LRBA: variants seen among roughly 807,000 people sequenced by gnomAD.
The protein encoded by LRBA is lipopolysaccharide-responsive and beige-like anchor protein.
A neutral mutation model predicts 330.0 loss-of-function variants in LRBA; 176 were observed. The observed-to-expected ratio is 0.53, with a 90% confidence interval of 0.47 to 0.60. The LOEUF is 0.60. Among genes scored for constraint, LRBA ranks in the 20% least tolerant of loss-of-function variants. The pLI, the probability that LRBA is intolerant of heterozygous loss-of-function variation, is 0.00. For synonymous variants in LRBA, 1,230 were observed against 1,193.0 expected (o/e 1.03, Z -0.64); for missense variants, 3,259 against 3,444.8 (o/e 0.95, Z 1.35).
chr4:150,832,615 C>T (rs1485756059), intron 28 of LRBA, among the ~76,000 whole-genome samples: 1 of 151,794 alleles, frequency 6.6e-6, no homozygotes, highest in African/African-American at 2.4e-5. Flanking sequence ...AGCAATCAAT[C>T]AATAAATAAA....
At chr4:150,633,103 T>G (rs369521742) in intron 37 of LRBA, among the ~76,000 whole-genome samples, 16 of 152,238 alleles carry the variant, frequency 1.1e-4, no homozygotes, top group African/African-American at 3.6e-4. Context: ...AGTTTAGCAG[T>G]TAAGAACATG....
chr4:150,916,243 CAG>C (rs1198632542), intron 7 of LRBA, among the ~76,000 whole-genome samples, 156 bp downstream of exon 7: 2 of 152,174 alleles, frequency 1.3e-5, no homozygotes, highest in African/African-American at 4.8e-5. Flanking sequence ...ATATCCAAAT[CAG>C]AGAGGTCAAT....
At chr4:150,808,803 C>T (rs193182514) in intron 31 of LRBA, among the ~76,000 whole-genome samples, 3 of 152,234 alleles carry the variant, frequency 2.0e-5, no homozygotes, top group East Asian at 1.9e-4. Flanking sequence ...GAAAACTATC[C>T]GTATTCAGTT....
chr4:150,626,932 ACTT>A (rs1445197130), intron 37 of LRBA, among the ~76,000 whole-genome samples: 2 of 152,124 alleles, frequency 1.3e-5, no homozygotes, highest in Admixed American at 6.5e-5. Flanking sequence ...ACAGTAACTC[ACTT>A]CTTCTAAAAT....
intron 2 of LRBA, among the ~76,000 whole-genome samples, chr4:150,949,949 TTAAC>T (rs1736652874): frequency 6.6e-6 from 1 of 152,074 alleles, no homozygotes; most frequent in African/African-American, 2.4e-5. Context: ...CACACAGAGT[TTAAC>T]TATATATCCT....
intron 37 of LRBA, among the ~76,000 whole-genome samples, chr4:150,604,651 A>C (rs1774450635): frequency 6.6e-6 from 1 of 152,090 alleles, no homozygotes. Context: ...ACAGAGCTTT[A>C]CTACATGGCT....
intron 2 of LRBA, among the ~76,000 whole-genome samples, chr4:150,944,358 C>T (rs1465424126): frequency 6.6e-6 from 1 of 152,126 alleles, no homozygotes; most frequent in African/African-American, 2.4e-5. Flanking sequence ...TAAGTGATTG[C>T]TGTCAGCTAC....
At chr4:150,476,303 T>C (rs540794639) in intron 42 of LRBA, among the ~76,000 whole-genome samples, 1 of 152,302 alleles carries the variant, frequency 6.6e-6, no homozygotes, top group South Asian at 2.1e-4. Context: ...CTCTGTTGGA[T>C]ATAAGCATCC....
intron 42 of LRBA, among the ~76,000 whole-genome samples, chr4:150,481,092 T>C (rs1269671994): frequency 1.3e-5 from 2 of 152,204 alleles, no homozygotes; most frequent in East Asian, 1.9e-4. Context: ...ACACGCAGTG[T>C]TTAACTTTCT....
intron 40 of LRBA, among the ~76,000 whole-genome samples, chr4:150,499,599 C>T (rs991349701): frequency 2.0e-5 from 3 of 151,840 alleles, no homozygotes; most frequent in Non-Finnish European, 4.4e-5. Flanking sequence ...GCTATGACTG[C>T]ACCACTGTAC....
rs750216108 is a variant in LRBA, at chr4:150,916,534, A to C, written c.768-7T>G. On this transcript the variant is annotated splice_region_variant and splice_polypyrimidine_tract_variant and intron_variant, in intron 6 of 56. Transcript: ENST00000651943. ...ACCTTTGCTGGTTCTGAAACTATAAAGAATAGTTTTCATTTTACCTCTAAA... is the reference window on the plus strand; with the variant it reads ...ACCTTTGCTGGTTCTGAAACTATAACGAATAGTTTTCATTTTACCTCTAAA... 1 of 1,611,068 alleles carries C rather than the reference A, an allele frequency of 6.2e-7. No individual in the cohort carries two copies. Among genetic ancestry groups the C allele is most frequent in the Admixed American group, 1.7e-5 (1 of 59,360 alleles).
chr4:150,741,979 C>T (rs1371748470), intron 35 of LRBA, among the ~76,000 whole-genome samples: 1 of 151,864 alleles, frequency 6.6e-6, no homozygotes, highest in East Asian at 1.9e-4. Context: ...CTGATTAGCG[C>T]TTTTATAACA....
intron 42 of LRBA, among the ~76,000 whole-genome samples, chr4:150,475,341 T>C (rs1756591564): frequency 2.0e-5 from 3 of 152,202 alleles, no homozygotes; most frequent in Admixed American, 6.5e-5. Context: ...TGGATGAGTA[T>C]GTGAAAGATT....
At chr4:150,663,319 C>A (rs992330721) in intron 37 of LRBA, among the ~76,000 whole-genome samples, 2 of 151,928 alleles carry the variant, frequency 1.3e-5, no homozygotes, top group African/African-American at 4.8e-5. Context: ...AAGGAGTCTA[C>A]AGAAGACCAG....
chr4:150,405,322 A>C (rs531488783), intron 47 of LRBA, among the ~76,000 whole-genome samples: 10 of 152,356 alleles, frequency 6.6e-5, no homozygotes, highest in African/African-American at 2.4e-4. Context: ...AATTTCAGAA[A>C]GAATTCTCCA....
chr4:150,644,110 A>T (rs1778923004), intron 37 of LRBA, among the ~76,000 whole-genome samples: 1 of 151,954 alleles, frequency 6.6e-6, no homozygotes, highest in African/African-American at 2.4e-5. Context: ...CGTAGACTTT[A>T]AATAACATGT....
intron 34 of LRBA, among the ~76,000 whole-genome samples, chr4:150,780,196 TA>T (rs1439871065): frequency 1.3e-5 from 2 of 152,176 alleles, no homozygotes; most frequent in Non-Finnish European, 2.9e-5. Context: ...TTTTTATGGT[TA>T]ATATGAAAAT....
chr4:150,970,618 T>C (rs963292234), intron 2 of LRBA: 1 of 147,292 alleles, frequency 6.8e-6, no homozygotes, highest in Non-Finnish European at 1.5e-5. Flanking sequence ...CTCATATGCA[T>C]TGGAAAACCA....
intron 56 of LRBA, among the ~76,000 whole-genome samples, chr4:150,276,762 AAGTT>A (rs1340037397): frequency 2.0e-5 from 3 of 152,228 alleles, no homozygotes; most frequent in Non-Finnish European, 4.4e-5. Flanking sequence ...AATCATTAAA[AAGTT>A]AGGAAACAAC....
Sources: allele counts gnomAD v4.1 joint callset (sites outside exome capture counted in the v4.1 genomes callset), GRCh38; gene constraint gnomAD v4.1.1; transcripts MANE v1.5; gene names NCBI Gene and HGNC (gene_info 2026-07-23, HGNC 2026-07-21).